The following TLN2 variants were observed in gnomAD, a reference collection of about 807,000 sequenced individuals.
TLN2 encodes talin 2, also known as talin-2.
A neutral mutation model predicts 294.7 loss-of-function variants in TLN2; 118 were observed. The ratio of observed to expected loss-of-function variants is 0.40; its 90% CI spans 0.34 to 0.47. The LOEUF (loss-of-function observed/expected upper bound fraction) is 0.47, where lower values mean the gene tolerates loss of function less well. Among genes scored for constraint, TLN2 ranks in the 20% least tolerant of loss-of-function variants. The pLI is 0.84. For missense variants in TLN2, 3,083 were observed against 3,282.2 expected, an observed-to-expected ratio of 0.94 and a Z score of 1.48; for synonymous variants, 1,431 against 1,304.5, an observed-to-expected ratio of 1.10 and a Z score of -2.09.
At chr15:62,407,047 G>C (rs1159776451) in intron 1 of TLN2, among the ~76,000 whole-genome samples, 1 of 152,128 alleles carries the variant, frequency 6.6e-6, no homozygotes, top group Admixed American at 6.5e-5. Flanking sequence ...TGGAATGCTT[G>C]TCAGTGAAGT....
intron 1 of TLN2, among the ~76,000 whole-genome samples, chr15:62,482,710 G>A (rs932832581): frequency 2.0e-5 from 3 of 149,954 alleles, no homozygotes; most frequent in Admixed American, 6.7e-5. Flanking sequence ...CATTTTAAAA[G>A]CAAAATAAAT....
At chr15:62,695,553 G>A (rs962978844) in intron 14 of TLN2, among the ~76,000 whole-genome samples, 3 of 152,212 alleles carry the variant, frequency 2.0e-5, no homozygotes, top group South Asian at 4.1e-4. Context: ...GTTTCCCATA[G>A]TACGCTGCTA....
At chr15:62,540,792 G>A (rs1468844962) in intron 1 of TLN2, among the ~76,000 whole-genome samples, 1 of 152,156 alleles carries the variant, frequency 6.6e-6, no homozygotes. Flanking sequence ...TGCATGATCC[G>A]GGTGGAAAGG....
intron 2 of TLN2, among the ~76,000 whole-genome samples, chr15:62,597,526 G>A (rs1567166684): frequency 6.6e-6 from 1 of 152,126 alleles, no homozygotes; most frequent in South Asian, 2.1e-4. Context: ...TCAGGAGCCC[G>A]CTTTGTTTCT....
intron 3 of TLN2, among the ~76,000 whole-genome samples, chr15:62,633,706 C>T (rs935782541): frequency 1.3e-5 from 2 of 152,216 alleles, no homozygotes; most frequent in African/African-American, 2.4e-5. Context: ...TTTAGGCTTA[C>T]TGCACTTATT....
intron 2 of TLN2, among the ~76,000 whole-genome samples, chr15:62,608,700 A>G (rs554856733): frequency 3.9e-5 from 6 of 152,102 alleles, no homozygotes; most frequent in African/African-American, 1.4e-4. Flanking sequence ...AATAAGAGGA[A>G]TTTGCTATGC....
chr15:62,434,298 TCTTA>T (rs931370132), intron 1 of TLN2, among the ~76,000 whole-genome samples: 7 of 152,164 alleles, frequency 4.6e-5, no homozygotes, highest in Admixed American at 6.5e-5. Flanking sequence ...TACTTAAGCA[TCTTA>T]CTTAAAAAAA....
At chr15:62,599,739 T>G (rs1393216319) in intron 2 of TLN2, among the ~76,000 whole-genome samples, 1 of 152,174 alleles carries the variant, frequency 6.6e-6, no homozygotes, top group Non-Finnish European at 1.5e-5. Flanking sequence ...GTCACCCAGG[T>G]GGTCCGGATG....
At chr15:62,611,021 A>C (rs918229921) in intron 2 of TLN2, among the ~76,000 whole-genome samples, 1 of 152,126 alleles carries the variant, frequency 6.6e-6, no homozygotes. Context: ...CACCTGCCTG[A>C]TATTTTCCCA....
At chr15:62,762,646 A>G (rs1023839515) in intron 39 of TLN2, among the ~76,000 whole-genome samples, 193 bp downstream of exon 39, 1 of 152,242 alleles carries the variant, frequency 6.6e-6, no homozygotes, top group African/African-American at 2.4e-5. Context: ...AAATACTACT[A>G]CAAGTGCTTT....
intron 1 of TLN2, among the ~76,000 whole-genome samples, chr15:62,481,287 A>G (rs1353381442): frequency 6.6e-6 from 1 of 152,028 alleles, no homozygotes; most frequent in Non-Finnish European, 1.5e-5. Flanking sequence ...AATGTTAACC[A>G]CATTTGCTTT....
chr15:62,781,945 C>A (rs988600680), intron 44 of TLN2, among the ~76,000 whole-genome samples: 2 of 152,102 alleles, frequency 1.3e-5, no homozygotes, highest in Admixed American at 6.5e-5. Context: ...AGCAGTTATA[C>A]GAAAGATGAC....
intron 28 of TLN2, among the ~76,000 whole-genome samples, chr15:62,735,088 C>T (rs2060938392): frequency 6.6e-6 from 1 of 152,196 alleles, no homozygotes; most frequent in Admixed American, 6.5e-5. Context: ...CTGCAAAGAG[C>T]ACTATAAAGA....
intron 44 of TLN2, 86 bp from the exon 45 acceptor site, chr15:62,783,685 C>T (rs2064382500): frequency 1.4e-5 from 20 of 1,470,610 alleles, no homozygotes; most frequent in Non-Finnish European, 1.8e-5. Context: ...CTTTGGCTTC[C>T]AGTGATATTA....
chr15:62,586,309 A>G (rs1346714850), intron 1 of TLN2, among the ~76,000 whole-genome samples: 1 of 152,188 alleles, frequency 6.6e-6, no homozygotes, highest in East Asian at 1.9e-4. Context: ...CTCATCTCTG[A>G]AATTGGAGAG....
rs1567634042 is a variant in TLN2 at position 62,800,234 on chromosome 15, C to A, written c.6235-134C>A. Reference sequence around the variant, plus strand: ...CACCAAGGGTGGCTTCCCAGGAGGTCTGCCATGCTGCAGACTTCAGACTGT... The same window carrying A: ...CACCAAGGGTGGCTTCCCAGGAGGTATGCCATGCTGCAGACTTCAGACTGT... On this transcript the variant is annotated intron_variant, in intron 48 of 58. Transcript: ENST00000636159. 3.6e-6 allele frequency: 5 copies of A among 1,406,524 alleles called. No homozygotes were observed. The South Asian group carries it at 7.0e-5, about 20-fold the overall frequency. The allele number at this position is 1,406,524 out of a possible 1,614,324, so 87.1% of individuals were successfully genotyped here. A position where few individuals can be genotyped will look rare whatever the true frequency, so the allele number is the denominator to read the frequency against.
chr15:62,544,666 G>GTCA (rs1317815363), intron 1 of TLN2, among the ~76,000 whole-genome samples: 3 of 151,596 alleles, frequency 2.0e-5, no homozygotes, highest in Non-Finnish European at 2.9e-5. Flanking sequence ...CATCAACTCT[G>GTCA]TCATCATCAT....
At chr15:62,832,191 A>AAAATCTACTACTGTTGGCACAAAG (rs2068931844) in intron 54 of TLN2, 1 of 149,188 alleles carries the variant, frequency 6.7e-6, no homozygotes, top group East Asian at 2.0e-4. Context: ...GGCACTCTTA[A>AAAATCTACTACTGTTGGCACAAAG]AAATCTACTA....
Position 62,748,580 on chromosome 15 carries a change from A to G in TLN2, c.4119+136A>G. ...TTTCTCTTCTCTGTCCTTGCCTTTTATCTTTCCTTGGAGGCTGTTAAGGCC... is the reference window on the plus strand; with the variant it reads ...TTTCTCTTCTCTGTCCTTGCCTTTTGTCTTTCCTTGGAGGCTGTTAAGGCC... On this transcript the variant is annotated intron_variant, in intron 33 of 58. Transcript: ENST00000636159. 3 of 717,484 alleles carry G rather than the reference A, an allele frequency of 4.2e-6. 1 individual carries two copies. The South Asian group carries it at 5.5e-5, about 13-fold the overall frequency. The allele number at this position is 717,484 out of a possible 1,614,324, so 44.4% of individuals were successfully genotyped here.
Sources: gnomAD v4.1 joint callset for allele counts (sites outside exome capture counted in the v4.1 genomes callset) on GRCh38, gnomAD v4.1.1 for gene constraint, MANE v1.5 for transcripts, NCBI Gene and HGNC (gene_info 2026-07-23, HGNC 2026-07-21) for gene names.